Variants in HMCN1 observed in about 807,000 individuals in gnomAD.
The protein encoded by HMCN1 is hemicentin-1.
Under a neutral mutation model 625.9 loss-of-function variants are expected in HMCN1, and 321 were observed. The observed-to-expected ratio is 0.51, with a 90% CI of 0.47 to 0.56. The LOEUF (loss-of-function observed/expected upper bound fraction) is 0.56, where lower values mean the gene tolerates loss of function less well. Among genes scored for constraint, HMCN1 ranks in the 20% least tolerant of loss-of-function variants. HMCN1 has a pLI of 0.00. For missense variants in HMCN1, 6,588 were observed against 6,887.3 expected (o/e 0.96, Z 1.54); for synonymous variants, 2,425 against 2,417.6 (o/e 1.00, Z -0.09).
chr1:185,994,116 TAAAG>T (rs936592261), intron 23 of HMCN1, among the ~76,000 whole-genome samples: 4 of 152,104 alleles, frequency 2.6e-5, no homozygotes, highest in South Asian at 2.1e-4. Flanking sequence ...AATATTAAGT[TAAAG>T]AAAAAAACAT....
chr1:186,005,699 G>A (rs1038833731), intron 29 of HMCN1, among the ~76,000 whole-genome samples: 1 of 152,080 alleles, frequency 6.6e-6, no homozygotes, highest in African/African-American at 2.4e-5. Context: ...ACTCACATTA[G>A]GGGCCACAGA....
chr1:185,964,614 C>A (rs1017596353), intron 13 of HMCN1, among the ~76,000 whole-genome samples: 1 of 151,932 alleles, frequency 6.6e-6, no homozygotes, highest in South Asian at 2.1e-4. Flanking sequence ...GAATTGAGAG[C>A]CTGGAAAGAA....
chr1:186,009,951 T>C (rs1031830233), intron 30 of HMCN1, among the ~76,000 whole-genome samples: 1 of 152,212 alleles, frequency 6.6e-6, no homozygotes, highest in Non-Finnish European at 1.5e-5. Flanking sequence ...CAGGCATTAG[T>C]TGGATTCTCA....
intron 37 of HMCN1, 33 bp downstream of exon 37, chr1:186,038,068 T>C (rs1257323640): frequency 2.2e-6 from 3 of 1,358,946 alleles, no homozygotes; most frequent in Non-Finnish European, 3.2e-6. Context: ...TAACTTAATA[T>C]TTTAAGATTT....
At chr1:186,160,625 T>C (rs1369662076) in intron 97 of HMCN1, among the ~76,000 whole-genome samples, 1 of 152,158 alleles carries the variant, frequency 6.6e-6, no homozygotes, top group Non-Finnish European at 1.5e-5. Flanking sequence ...GTTGTGTCTT[T>C]GTTTTCGTTG....
intron 1 of HMCN1, among the ~76,000 whole-genome samples, chr1:185,785,328 G>T (rs1657486548): frequency 6.6e-6 from 1 of 152,176 alleles, no homozygotes; most frequent in Admixed American, 6.5e-5. Context: ...ATGTGTTTGA[G>T]ATAACTGTAC....
intron 36 of HMCN1, among the ~76,000 whole-genome samples, chr1:186,037,669 T>C (rs1445426013): frequency 6.6e-6 from 1 of 152,010 alleles, no homozygotes; most frequent in African/African-American, 2.4e-5. Context: ...TTTCTTTAAC[T>C]TTTTTTTACT....
At chr1:185,879,905 G>A (rs1664190039) in intron 4 of HMCN1, among the ~76,000 whole-genome samples, 1 of 152,152 alleles carries the variant, frequency 6.6e-6, no homozygotes, top group African/African-American at 2.4e-5. Context: ...TTGCTATGGA[G>A]AGAAAGTGAG....
intron 5 of HMCN1, among the ~76,000 whole-genome samples, chr1:185,909,774 A>G (rs1666309770): frequency 2.6e-5 from 4 of 152,140 alleles, no homozygotes; most frequent in Admixed American, 2.0e-4. Flanking sequence ...TCCAAAATAA[A>G]AATATTTAAA....
chr1:186,087,173 C>T (rs369630757), intron 58 of HMCN1, 44 bp from the exon 59 acceptor site: 11 of 1,222,076 alleles, frequency 9.0e-6, no homozygotes, highest in Non-Finnish European at 1.3e-5. Flanking sequence ...GTTGTTAGAA[C>T]AACCTGTATA....
At chr1:185,978,245 T>G in intron 16 of HMCN1, 1 of 376,552 alleles carries the variant, frequency 2.7e-6, no homozygotes, top group Non-Finnish European at 4.8e-6. Context: ...CATTTCTTAT[T>G]GCAAATAGAG....
At position 186,087,477 on chromosome 1, in the gene HMCN1, T is replaced by C; in HGVS notation, c.9195T>C (p.Ser3065=). 6.2e-7 allele frequency: 1 copy of C among 1,613,286 alleles called. No individual in the cohort carries two copies. Among genetic ancestry groups the C allele is most frequent in the Non-Finnish European group, 8.5e-7 (1 of 1,179,488 alleles). Reference sequence around the variant, plus strand: ...GCATTAAAGACCATGACAGTGAATCTCTTTCTGTAGTTAATGTAAGAGAGG... The same window carrying C: ...GCATTAAAGACCATGACAGTGAATCCCTTTCTGTAGTTAATGTAAGAGAGG... ...PPSIKDHDSE[S]LSVVNVREGT... Residue 3065 remains serine (S), a synonymous_variant, in exon 60 of 107, where the codon TCT becomes TCC. Coordinates refer to ENST00000271588, the MANE Select transcript of HMCN1 (RefSeq NM_031935.3).
chr1:186,143,193 A>T (rs980901599), intron 89 of HMCN1, among the ~76,000 whole-genome samples: 1 of 152,234 alleles, frequency 6.6e-6, no homozygotes, highest in African/African-American at 2.4e-5. Flanking sequence ...TGTAACATGC[A>T]TTTAAAAATA....
intron 30 of HMCN1, among the ~76,000 whole-genome samples, chr1:186,010,237 CTATACATGCATATA>C (rs1653911126): frequency 6.6e-6 from 1 of 151,862 alleles, no homozygotes; most frequent in Non-Finnish European, 1.5e-5. Flanking sequence ...ATGGGTGTAT[CTATACATGCATATA>C]TATGTACAGT....
At position 185,989,573 on chromosome 1, in the gene HMCN1, A is replaced by G. The variant is rs756216409; in HGVS notation, c.3134A>G (p.Glu1045Gly). The change falls in exon 21 of 107, where the codon GAG becomes GGG. Residue 1045 changes from glutamate to glycine, a missense_variant. Transcript: ENST00000271588. ...TATGTGGTATCACCTGGAGGAGAGG[A>G]GAGTGGGGAGTATGTCTGCACTGCC... ...SLYVVSPGGE[E>G]SGEYVCTATN... The G allele has an allele frequency of 1.2e-6, 2 of 1,613,940 alleles. No individual in the cohort carries two copies. The highest frequency in any genetic ancestry group is 1.7e-6 in the Non-Finnish European group (2 of 1,179,984).
chr1:185,968,745 G>A (rs1022625914), intron 14 of HMCN1, among the ~76,000 whole-genome samples: 1 of 151,950 alleles, frequency 6.6e-6, no homozygotes, highest in Non-Finnish European at 1.5e-5. Flanking sequence ...TATATTGTCA[G>A]TAAAGTTTAT....
At chr1:185,753,747 T>C (rs1654960188) in intron 1 of HMCN1, among the ~76,000 whole-genome samples, 1 of 152,316 alleles carries the variant, frequency 6.6e-6, no homozygotes, top group Non-Finnish European at 1.5e-5. Flanking sequence ...CCTGTAAGGA[T>C]GGCTGCTGTC....
At position 186,119,832 on chromosome 1, in the gene HMCN1, C is replaced by T; in HGVS notation, c.12044C>T (p.Pro4015Leu). The T allele has an allele frequency of 6.2e-7, 1 of 1,614,066 alleles. No individual in the cohort carries two copies. Among genetic ancestry groups the T allele is most frequent in the Middle Eastern group, 1.6e-4 (1 of 6,062 alleles). Residue 4015 changes from proline (P) to leucine (L), a missense_variant, in exon 79 of 107, where the codon CCC becomes CTC. Transcript: ENST00000271588. ...TTACCATGTGAAGCAACAGGGACAC[C>T]CAGTCCTTTCATTACTTGGCAAAAA... The part of the protein sequence containing the change: ...ILLPCEATGT[P>L]SPFITWQKEG...
intron 21 of HMCN1, 72 bp downstream of exon 21, chr1:185,989,719 A>G (rs1427483752): frequency 5.6e-6 from 8 of 1,430,402 alleles, no homozygotes; most frequent in Admixed American, 5.3e-5. Flanking sequence ...TCTTTCCCCA[A>G]TACTGTTACC....
Sources: gnomAD v4.1 joint callset for allele counts (sites outside exome capture counted in the v4.1 genomes callset) on GRCh38, gnomAD v4.1.1 for gene constraint, MANE v1.5 for transcripts, NCBI Gene and HGNC (gene_info 2026-07-23, HGNC 2026-07-21) for gene names.